The following SLC39A11 variants were observed in gnomAD, a reference collection of about 807,000 sequenced individuals.
SLC39A11 encodes solute carrier family 39 member 11.
A neutral mutation model predicts 36.1 loss-of-function variants in SLC39A11; 33 were observed. The ratio of observed to expected loss-of-function variants is 0.91; its 90% CI spans 0.69 to 1.22. The LOEUF (loss-of-function observed/expected upper bound fraction) is 1.22. Ranked by LOEUF, SLC39A11 falls within the 50% of genes most tolerant of loss-of-function variation. The probability of loss-of-function intolerance (pLI) is 0.00; values close to 1 mark genes in which losing one functional copy is unlikely to be tolerated. For missense variants in SLC39A11, 432 were observed against 430.3 expected, an observed-to-expected ratio of 1.00 and a Z score of -0.03; for synonymous variants, 166 against 170.3, an observed-to-expected ratio of 0.97 and a Z score of 0.20.
At chr17:72,767,582 G>A (rs1230953696) in intron 6 of SLC39A11, among the ~76,000 whole-genome samples, 1 of 152,244 alleles carries the variant, frequency 6.6e-6, no homozygotes, top group Non-Finnish European at 1.5e-5. Context: ...TCCACGGAGA[G>A]CAACCTTCCA....
At chr17:72,957,496 C>T (rs1316446031) in intron 4 of SLC39A11, among the ~76,000 whole-genome samples, 1 of 152,194 alleles carries the variant, frequency 6.6e-6, no homozygotes, top group African/African-American at 2.4e-5. Flanking sequence ...AGGATACATT[C>T]TTAGAGGTCT....
At chr17:72,754,285 G>A (rs2075286731) in intron 6 of SLC39A11, among the ~76,000 whole-genome samples, 1 of 151,946 alleles carries the variant, frequency 6.6e-6, no homozygotes, top group South Asian at 2.1e-4. Context: ...TGGACTTCGG[G>A]GACTTGGGAA....
intron 5 of SLC39A11, among the ~76,000 whole-genome samples, chr17:72,947,329 A>T (rs2085495617): frequency 6.7e-6 from 1 of 149,148 alleles, no homozygotes; most frequent in Non-Finnish European, 1.5e-5. Flanking sequence ...GAAAAAAAAA[A>T]TCCACAGCAG....
At position 73,009,370 on chromosome 17, in the gene SLC39A11, A is replaced by AAG. The variant is rs569121639; in HGVS notation, c.306+22185_306+22186insCT. Reference sequence around the variant, plus strand: ...ACTCCATCTCAAAAAAAAAAAAAAAAAAAGAAAAGCAATGAAGTTTGATAC... The same window carrying AAG: ...ACTCCATCTCAAAAAAAAAAAAAAAAAGAAAGAAAAGCAATGAAGTTTGATAC... On this transcript the variant is annotated intron_variant, in intron 4 of 9. Coordinates refer to ENST00000255559, the MANE Select transcript of SLC39A11 (RefSeq NM_139177.4). Among the ~76,000 whole-genome samples the AAG allele has an allele frequency of 3.9e-3, 585 of 151,756 alleles. 8 individuals carry two copies. The South Asian group carries it at 0.043, about 11-fold the overall frequency.
At chr17:73,012,902 G>A (rs540597979) in intron 4 of SLC39A11, among the ~76,000 whole-genome samples, 26 of 151,718 alleles carry the variant, frequency 1.7e-4, no homozygotes, top group African/African-American at 6.3e-4. Flanking sequence ...AGGTTCAAGC[G>A]ATTCTCCTGT....
intron 5 of SLC39A11, among the ~76,000 whole-genome samples, chr17:72,922,948 G>A (rs2083762380): frequency 1.7e-5 from 2 of 118,030 alleles, no homozygotes; most frequent in Non-Finnish European, 1.7e-5. Flanking sequence ...GTGATAGAGT[G>A]GGACTCCTTC....
At chr17:72,699,634 T>TG (rs569400155) in intron 7 of SLC39A11, among the ~76,000 whole-genome samples, 13 of 152,212 alleles carry the variant, frequency 8.5e-5, no homozygotes, top group Non-Finnish European at 1.9e-4. Context: ...CTCCTTGCCT[T>TG]GGGGCCATGC....
chr17:72,725,301 T>C lies in SLC39A11; in HGVS notation c.671+11349A>G, dbSNP rs537961481. 5.9e-5 allele frequency among the ~76,000 whole-genome samples: 9 copies of C among 152,282 alleles called. No individual in the cohort carries two copies. The East Asian group carries it at 1.7e-3, about 29-fold the overall frequency. On this transcript the variant is annotated intron_variant, in intron 7 of 9. Coordinates refer to ENST00000255559, the MANE Select transcript of SLC39A11 (RefSeq NM_139177.4). ...CTTGGAGTAGCTTCTGACACTTTAA[T>C]TGGCCCATTTCACATTTCTACCCCT...
At chr17:72,672,985 GCA>G (rs373609124) in intron 7 of SLC39A11, among the ~76,000 whole-genome samples, 21 of 152,208 alleles carry the variant, frequency 1.4e-4, no homozygotes, top group African/African-American at 5.1e-4. Context: ...TTGTTCAAAG[GCA>G]CAGTTGAATA....
chr17:72,777,547 T>C (rs923447415), intron 6 of SLC39A11, among the ~76,000 whole-genome samples: 1 of 152,052 alleles, frequency 6.6e-6, no homozygotes, highest in African/African-American at 2.4e-5. Flanking sequence ...GAGAAGTACA[T>C]GTGAAGATGG....
intron 6 of SLC39A11, among the ~76,000 whole-genome samples, chr17:72,755,606 T>C (rs997066257): frequency 6.6e-6 from 1 of 152,242 alleles, no homozygotes. Context: ...ATGCCAAATA[T>C]AAATAAAATA....
At chr17:72,900,076 AAGAG>A (rs1273504779) in intron 5 of SLC39A11, among the ~76,000 whole-genome samples, 5 of 146,742 alleles carry the variant, frequency 3.4e-5, no homozygotes, top group Non-Finnish European at 7.5e-5. Flanking sequence ...GAGAGAGAGA[AAGAG>A]AGAAAGAGAA....
intron 5 of SLC39A11, among the ~76,000 whole-genome samples, chr17:72,906,408 C>G (rs536225507): frequency 6.6e-6 from 1 of 152,362 alleles, no homozygotes; most frequent in African/African-American, 2.4e-5. Context: ...AGTGTTTCCT[C>G]CTGGGCTTCC....
chr17:72,989,270 C>T (rs996777429), intron 4 of SLC39A11, among the ~76,000 whole-genome samples: 1 of 152,228 alleles, frequency 6.6e-6, no homozygotes, highest in Non-Finnish European at 1.5e-5. Flanking sequence ...CACAGCACAG[C>T]CAGATCTTGG....
At chr17:72,792,147 C>T (rs1018037953) in intron 6 of SLC39A11, among the ~76,000 whole-genome samples, 1 of 152,168 alleles carries the variant, frequency 6.6e-6, no homozygotes, top group Admixed American at 6.5e-5. Flanking sequence ...GAACATATGA[C>T]AAGCAATGCT....
chr17:72,778,540 T>C (rs1236822355), intron 6 of SLC39A11, among the ~76,000 whole-genome samples: 6 of 152,256 alleles, frequency 3.9e-5, no homozygotes, highest in Admixed American at 3.9e-4. Context: ...TCTGTATTGA[T>C]GACTCAGAAG....
At chr17:72,788,558 C>A (rs2076593942) in intron 6 of SLC39A11, among the ~76,000 whole-genome samples, 1 of 152,214 alleles carries the variant, frequency 6.6e-6, no homozygotes, top group Non-Finnish European at 1.5e-5. Context: ...TCAAAACCCA[C>A]CTTTTGGTTA....
chr17:72,884,473 G>A (rs1314130669), intron 5 of SLC39A11, among the ~76,000 whole-genome samples: 1 of 152,230 alleles, frequency 6.6e-6, no homozygotes, highest in Non-Finnish European at 1.5e-5. Flanking sequence ...CTACCTGGAG[G>A]TGAATAATCT....
chr17:72,899,923 C>G (rs955235350), intron 5 of SLC39A11, among the ~76,000 whole-genome samples: 3 of 149,214 alleles, frequency 2.0e-5, no homozygotes, highest in Non-Finnish European at 4.4e-5. Flanking sequence ...GATCACACCA[C>G]TATATTCCAG....
Sources: gnomAD v4.1 joint callset for allele counts (sites outside exome capture counted in the v4.1 genomes callset) on GRCh38, gnomAD v4.1.1 for gene constraint, MANE v1.5 for transcripts, NCBI Gene and HGNC (gene_info 2026-07-23, HGNC 2026-07-21) for gene names.